TMEM132C: variants seen among roughly 807,000 people sequenced by gnomAD.
TMEM132C encodes the protein protein phosphatase 1, regulatory subunit 152.
In TMEM132C, 29 loss-of-function variants were observed where a neutral mutation model predicts 61.4. The observed-to-expected ratio is 0.47, with a 90% CI of 0.35 to 0.64. TMEM132C has a LOEUF of 0.64. Among genes scored for constraint, TMEM132C ranks in the 30% least tolerant of loss-of-function variants. The probability of loss-of-function intolerance (pLI) is 0.00; values close to 1 mark genes in which losing one functional copy is unlikely to be tolerated. For missense variants in TMEM132C, 1,408 were observed against 1,476.9 expected (o/e 0.95, Z 0.76); for synonymous variants, 656 against 633.1 (o/e 1.04, Z -0.54).
chr12:128,291,201 A>G (rs542835483), intron 1 of TMEM132C, among the ~76,000 whole-genome samples: 1 of 152,230 alleles, frequency 6.6e-6, no homozygotes. Context: ...AAGTACATCC[A>G]AGAAGAAATA....
intron 4 of TMEM132C, among the ~76,000 whole-genome samples, chr12:128,627,827 G>T (rs1439476061): frequency 6.6e-6 from 1 of 152,206 alleles, no homozygotes; most frequent in Non-Finnish European, 1.5e-5. Context: ...AAAGTGCTGG[G>T]TCCTGGTCAG....
intron 1 of TMEM132C, among the ~76,000 whole-genome samples, chr12:128,395,891 G>A (rs754729128): frequency 7.9e-5 from 12 of 151,950 alleles, no homozygotes; most frequent in African/African-American, 1.2e-4. Context: ...CTGAGTTACC[G>A]GAGTCAATAA....
intron 1 of TMEM132C, among the ~76,000 whole-genome samples, chr12:128,276,422 G>A (rs34016951): frequency 6.6e-6 from 1 of 152,160 alleles, no homozygotes. Context: ...GTTTATTGTA[G>A]ACCTAAACAG....
At chr12:128,373,567 C>G (rs1874092649) in intron 1 of TMEM132C, among the ~76,000 whole-genome samples, 1 of 152,204 alleles carries the variant, frequency 6.6e-6, no homozygotes, top group African/African-American at 2.4e-5. Flanking sequence ...TCGTTGGTGG[C>G]TCACCTCTCC....
rs11059795 is a variant in TMEM132C at position 128,623,139 on chromosome 12, A to G, written c.1305+6804A>G. Among the ~76,000 whole-genome samples the G allele has an allele frequency of 9.8e-4, 149 of 152,284 alleles. 2 individuals are homozygous for G. The highest frequency in any genetic ancestry group is 2.9e-3 in the South Asian group (14 of 4,826). ...TGCAGGGTCACTGATTAATTCTCCA[A>G]TAAATGATACCATACCCACTGCCTG... is the stretch of plus-strand genomic sequence containing the variant. On this transcript the variant is annotated intron_variant, in intron 4 of 8. Coordinates refer to ENST00000435159, the MANE Select transcript of TMEM132C (RefSeq NM_001136103.3).
At chr12:128,697,738 A>G (rs1324264431) in intron 8 of TMEM132C, among the ~76,000 whole-genome samples, 1 of 152,126 alleles carries the variant, frequency 6.6e-6, no homozygotes, top group African/African-American at 2.4e-5. Flanking sequence ...ATGACTTCCC[A>G]TTGCACTTAG....
At chr12:128,279,636 A>T (rs564398502) in intron 1 of TMEM132C, among the ~76,000 whole-genome samples, 17 of 152,286 alleles carry the variant, frequency 1.1e-4, no homozygotes, top group Admixed American at 5.2e-4. Context: ...GGGCCTTTGC[A>T]CATGCCTACT....
At chr12:128,701,641 C>T (rs941313234) in intron 8 of TMEM132C, among the ~76,000 whole-genome samples, 4 of 152,188 alleles carry the variant, frequency 2.6e-5, no homozygotes, top group South Asian at 2.1e-4. Context: ...ACCAAACAAG[C>T]GTTGGACATT....
chr12:128,529,933 G>A (rs1174302218), intron 2 of TMEM132C, among the ~76,000 whole-genome samples: 1 of 152,146 alleles, frequency 6.6e-6, no homozygotes, highest in Non-Finnish European at 1.5e-5. Context: ...TACAAATTTT[G>A]TTAGGCACGA....
Position 128,706,313 on chromosome 12 carries a change from G to T in TMEM132C, c.*18G>T. 6.7e-7 allele frequency: 1 copy of T among 1,492,908 alleles called. No homozygotes were observed. The allele number at this position is 1,492,908 out of a possible 1,614,324, so 92.5% of individuals were successfully genotyped here. On this transcript the variant is annotated 3_prime_UTR_variant, in exon 9 of 9. Transcript: ENST00000435159. Reference sequence around the variant, plus strand: ...AGGCTTAGGCCCCTCTAGCCAAAGGGCCCTGCCCAGATGCCTTCCTTGTAC... The same window carrying T: ...AGGCTTAGGCCCCTCTAGCCAAAGGTCCCTGCCCAGATGCCTTCCTTGTAC...
intron 2 of TMEM132C, among the ~76,000 whole-genome samples, chr12:128,509,969 C>G (rs538622680): frequency 7.2e-5 from 11 of 152,176 alleles, no homozygotes; most frequent in Admixed American, 2.0e-4. Context: ...TATCATCATA[C>G]CTTGGTCCTT....
chr12:128,697,187 T>C (rs758509792), intron 7 of TMEM132C, 37 bp from the exon 8 acceptor site: 5 of 1,465,366 alleles, frequency 3.4e-6, no homozygotes, highest in Non-Finnish European at 4.6e-6. Flanking sequence ...TGGAAACAGG[T>C]GTGATGGATT....
At chr12:128,464,949 G>A (rs12366508) in intron 2 of TMEM132C, among the ~76,000 whole-genome samples, 3,780 of 152,268 alleles carry the variant, frequency 0.025, 71 homozygotes, top group Non-Finnish European at 0.036. Context: ...ATGGAGATGA[G>A]CGAGAGTAGG....
chr12:128,692,183 T>G (rs775867580), intron 5 of TMEM132C, among the ~76,000 whole-genome samples: 7 of 152,262 alleles, frequency 4.6e-5, no homozygotes, highest in Non-Finnish European at 8.8e-5. Flanking sequence ...CCCATTCACC[T>G]GTCCATCCAT....
At chr12:128,552,974 A>C (rs758829116) in intron 3 of TMEM132C, among the ~76,000 whole-genome samples, 25 of 152,214 alleles carry the variant, frequency 1.6e-4, no homozygotes, top group Non-Finnish European at 3.2e-4. Flanking sequence ...TGTTAATAGC[A>C]AGAGGCTGTG....
chr12:128,336,644 A>G (rs1419891956), intron 1 of TMEM132C, among the ~76,000 whole-genome samples: 1 of 152,244 alleles, frequency 6.6e-6, no homozygotes, highest in Non-Finnish European at 1.5e-5. Context: ...AATAGTGATG[A>G]GAAACCATCT....
intron 2 of TMEM132C, among the ~76,000 whole-genome samples, chr12:128,480,547 C>G (rs893457674): frequency 1.3e-5 from 2 of 152,190 alleles, no homozygotes; most frequent in Non-Finnish European, 1.5e-5. Flanking sequence ...GGCTGCACCC[C>G]CTTTTCTGAG....
intron 3 of TMEM132C, among the ~76,000 whole-genome samples, chr12:128,592,328 G>A (rs73426485): frequency 0.029 from 4,478 of 152,216 alleles, 241 homozygotes; most frequent in African/African-American, 0.1. Context: ...TTTGAGAATG[G>A]GACTCCTAAC....
chr12:128,395,584 A>G (rs563249890), intron 1 of TMEM132C, among the ~76,000 whole-genome samples: 1 of 152,356 alleles, frequency 6.6e-6, no homozygotes, highest in African/African-American at 2.4e-5. Context: ...CGTGTTCAGA[A>G]CACTTACATT....
Sources: allele counts gnomAD v4.1 joint callset (sites outside exome capture counted in the v4.1 genomes callset), GRCh38; gene constraint gnomAD v4.1.1; transcripts MANE v1.5; gene names NCBI Gene and HGNC (gene_info 2026-07-23, HGNC 2026-07-21).